KIF6: variants seen among roughly 807,000 people sequenced by gnomAD.
KIF6 encodes kinesin family member 6.
KIF6 carries 106 observed loss-of-function variants against 112.7 expected under a neutral mutation model. That is an observed-to-expected ratio of 0.94 (90% confidence interval 0.80 to 1.11). The LOEUF is 1.11. KIF6 is among the 50% of genes least tolerant of loss of function. KIF6 has a pLI of 0.00. For synonymous variants in KIF6, 339 were observed against 339.9 expected (o/e 1.00, Z 0.03); for missense variants, 929 against 964.0 (o/e 0.96, Z 0.48).
At chr6:39,628,598 T>A (rs1310467417) in intron 5 of KIF6, among the ~76,000 whole-genome samples, 2 of 152,104 alleles carry the variant, frequency 1.3e-5, no homozygotes, top group East Asian at 3.9e-4. Flanking sequence ...GGGATTGGCT[T>A]TTTTTACTCA....
intron 13 of KIF6, among the ~76,000 whole-genome samples, chr6:39,530,694 A>G (rs1778001837): frequency 6.6e-6 from 1 of 152,186 alleles, no homozygotes; most frequent in Admixed American, 6.5e-5. Flanking sequence ...TGAATGGGAA[A>G]TGAGAGAGGG....
At chr6:39,712,646 C>T (rs1328791488) in intron 3 of KIF6, among the ~76,000 whole-genome samples, 3 of 152,056 alleles carry the variant, frequency 2.0e-5, no homozygotes, top group East Asian at 1.9e-4. Flanking sequence ...GGGTGGATCA[C>T]GAGGTCAGGA....
At chr6:39,407,260 T>G (rs1265897702) in intron 15 of KIF6, among the ~76,000 whole-genome samples, 2 of 152,200 alleles carry the variant, frequency 1.3e-5, no homozygotes, top group African/African-American at 4.8e-5. Context: ...AAAAATACAT[T>G]GCTTCATAAG....
chr6:39,453,074 C>A (rs1021330284), intron 13 of KIF6, among the ~76,000 whole-genome samples: 10 of 152,176 alleles, frequency 6.6e-5, no homozygotes, highest in Non-Finnish European at 4.4e-5. Context: ...ATAGACAAAG[C>A]AATCAATTTA....
At chr6:39,599,104 T>A (rs868822509) in intron 6 of KIF6, among the ~76,000 whole-genome samples, 20 of 152,200 alleles carry the variant, frequency 1.3e-4, no homozygotes, top group African/African-American at 4.1e-4. Context: ...TTGGAAAACA[T>A]GGATGTTGGT....
intron 12 of KIF6, among the ~76,000 whole-genome samples, chr6:39,543,753 C>A (rs1457976981): frequency 1.3e-5 from 2 of 152,086 alleles, no homozygotes; most frequent in African/African-American, 4.8e-5. Flanking sequence ...AGAAACAATA[C>A]CAAAGAAATA....
intron 13 of KIF6, among the ~76,000 whole-genome samples, chr6:39,519,892 G>A (rs11755434): frequency 0.19 from 29,312 of 151,882 alleles, 3,137 homozygotes; most frequent in South Asian, 0.3. Context: ...TGTGGTGGTG[G>A]ATATCTGTAG....
intron 10 of KIF6, among the ~76,000 whole-genome samples, chr6:39,548,445 G>C (rs987198277): frequency 3.9e-5 from 6 of 152,232 alleles, no homozygotes; most frequent in Non-Finnish European, 7.3e-5. Context: ...TCTGGGACTT[G>C]ATTAGTCTAG....
At chr6:39,681,450 G>A (rs1191127801) in intron 3 of KIF6, among the ~76,000 whole-genome samples, 1 of 152,012 alleles carries the variant, frequency 6.6e-6, no homozygotes, top group Non-Finnish European at 1.5e-5. Flanking sequence ...AAAAGTAGGA[G>A]AGAATACTAT....
intron 13 of KIF6, among the ~76,000 whole-genome samples, chr6:39,455,179 G>C (rs1047262535): frequency 1.3e-5 from 2 of 152,088 alleles, no homozygotes; most frequent in Non-Finnish European, 2.9e-5. Context: ...ATCTGAGAAC[G>C]GGCAGACTGC....
intron 13 of KIF6, among the ~76,000 whole-genome samples, chr6:39,485,953 C>A (rs189742906): frequency 6.6e-6 from 1 of 152,290 alleles, no homozygotes; most frequent in African/African-American, 2.4e-5. Flanking sequence ...AACTGAGGCA[C>A]AGAGAAACTA....
chr6:39,537,748 C>A (rs1435557770), intron 13 of KIF6, among the ~76,000 whole-genome samples: 4 of 152,086 alleles, frequency 2.6e-5, no homozygotes, highest in Admixed American at 1.3e-4. Flanking sequence ...AAAAAGAGCC[C>A]GCATCACCAA....
intron 3 of KIF6, among the ~76,000 whole-genome samples, chr6:39,659,009 C>A (rs7766378): frequency 0.055 from 8,347 of 152,234 alleles, 750 homozygotes; most frequent in African/African-American, 0.19. Flanking sequence ...ATATTTACAG[C>A]CTGCCAAGAG....
chr6:39,594,849 TA>T (rs1442149744), intron 7 of KIF6, among the ~76,000 whole-genome samples: 1 of 152,158 alleles, frequency 6.6e-6, no homozygotes, highest in African/African-American at 2.4e-5. Context: ...TTTATTTTAT[TA>T]TTTTTTTTTA....
chr6:39,337,160 TTTC>T lies in KIF6; in HGVS notation c.2429-615_2429-613del, dbSNP rs1400487207. Among the ~76,000 whole-genome samples, 6 of 63,980 alleles carry T rather than the reference TTTC, an allele frequency of 9.4e-5. 1 individual carries two copies. Among genetic ancestry groups the T allele is most frequent in the African/African-American group, 7.1e-4 (6 of 8,408 alleles). 42.0% of individuals were successfully genotyped at this position (63,980 alleles called of 152,430 possible). A position where few individuals can be genotyped will look rare whatever the true frequency, so the allele number is the denominator to read the frequency against. On this transcript the variant is annotated intron_variant, in intron 22 of 22. Transcript: ENST00000287152. ...CCTTCCTTCCTTTCTCTTTCTTTTC[TTTC>T]TTTCCTTCCTTCTTTCTTTCTTTCT... is the stretch of plus-strand genomic sequence containing the variant.
At chr6:39,368,370 G>A (rs1477172237) in intron 16 of KIF6, among the ~76,000 whole-genome samples, 2 of 152,180 alleles carry the variant, frequency 1.3e-5, no homozygotes, top group Non-Finnish European at 2.9e-5. Context: ...AATCGCCCAG[G>A]ATGGCACTGC....
intron 13 of KIF6, among the ~76,000 whole-genome samples, chr6:39,454,125 A>C (rs2150411493): frequency 6.6e-6 from 1 of 152,376 alleles, no homozygotes; most frequent in East Asian, 1.9e-4. Context: ...ATGACTAAGT[A>C]GCATGGTGAG....
rs541477598 is a variant in KIF6 at position 39,590,858 on chromosome 6, ATGTGATTGAAACAGGAAAGGCT to A, written c.847-4476_847-4455del. Reference sequence around the variant, plus strand: ...AATTATAAGGGAAATTTATTGGTTCATGTGATTGAAACAGGAAAGGCTTTAGATTAGAAGGAAACAAAAGATT... The same window carrying A: ...AATTATAAGGGAAATTTATTGGTTCATTAGATTAGAAGGAAACAAAAGATT... On this transcript the variant is annotated intron_variant, in intron 7 of 22. Transcript: ENST00000287152. Among the ~76,000 whole-genome samples the A allele has an allele frequency of 8.5e-5, 13 of 152,336 alleles. 2 individuals carry two copies. The South Asian group carries it at 2.5e-3, about 29-fold the overall frequency.
chr6:39,647,613 C>T (rs1347562639), intron 3 of KIF6, among the ~76,000 whole-genome samples: 1 of 152,116 alleles, frequency 6.6e-6, no homozygotes, highest in Admixed American at 6.5e-5. Context: ...GTATCCCCTG[C>T]CCTTCAGCAC....
Sources: gnomAD v4.1 joint callset for allele counts (sites outside exome capture counted in the v4.1 genomes callset) on GRCh38, gnomAD v4.1.1 for gene constraint, MANE v1.5 for transcripts, NCBI Gene and HGNC (gene_info 2026-07-23, HGNC 2026-07-21) for gene names.